Variants in NRG3 observed in about 807,000 individuals in gnomAD.
NRG3 encodes neuregulin 3.
In NRG3, 31 loss-of-function variants were observed where a neutral mutation model predicts 66.9. The observed-to-expected ratio is 0.46, with a 90% CI of 0.35 to 0.63. The LOEUF (loss-of-function observed/expected upper bound fraction) is 0.63, where lower values mean the gene tolerates loss of function less well. Among genes scored for constraint, NRG3 ranks in the 20% least tolerant of loss-of-function variants. The pLI, the probability that NRG3 is intolerant of heterozygous loss-of-function variation, is 0.00. For missense variants in NRG3, 910 were observed against 878.9 expected (o/e 1.04, Z -0.45); for synonymous variants, 393 against 359.4 (o/e 1.09, Z -1.06).
chr10:82,734,774 T>C (rs1050671787), intron 2 of NRG3, among the ~76,000 whole-genome samples: 4 of 151,924 alleles, frequency 2.6e-5, no homozygotes, highest in African/African-American at 7.3e-5. Flanking sequence ...CCCAAACACT[T>C]TGGGAGGCCA....
chr10:82,297,058 A>C (rs1359200187), intron 1 of NRG3, among the ~76,000 whole-genome samples: 1 of 152,112 alleles, frequency 6.6e-6, no homozygotes, highest in Non-Finnish European at 1.5e-5. Flanking sequence ...TTGATGCATA[A>C]ATTCACATAG....
At chr10:82,739,608 T>C (rs2058323032) in intron 3 of NRG3, among the ~76,000 whole-genome samples, 1 of 152,206 alleles carries the variant, frequency 6.6e-6, no homozygotes, top group South Asian at 2.1e-4. Context: ...TATTTTCATT[T>C]CCCCCTGAAT....
At chr10:82,813,168 A>G (rs1339319802) in intron 3 of NRG3, among the ~76,000 whole-genome samples, 1 of 151,840 alleles carries the variant, frequency 6.6e-6, no homozygotes, top group Non-Finnish European at 1.5e-5. Flanking sequence ...AGTAAAAAAA[A>G]CACAAAGTAC....
intron 3 of NRG3, among the ~76,000 whole-genome samples, chr10:82,836,701 T>G (rs2062794011): frequency 6.6e-6 from 1 of 151,660 alleles, no homozygotes; most frequent in Admixed American, 6.6e-5. Flanking sequence ...TTTTCTTTTT[T>G]TATTTTATTT....
chr10:82,188,519 C>T (rs183621504), intron 1 of NRG3, among the ~76,000 whole-genome samples: 277 of 152,154 alleles, frequency 1.8e-3, no homozygotes, highest in African/African-American at 6.5e-3. Flanking sequence ...AGATAACCCA[C>T]AGAACGGGAG....
intron 1 of NRG3, among the ~76,000 whole-genome samples, chr10:82,051,664 A>C (rs541936364): frequency 3.5e-4 from 54 of 152,344 alleles, no homozygotes; most frequent in Admixed American, 1.3e-3. Context: ...CTTGTGTATG[A>C]AGGATGAAAA....
At chr10:82,963,873 C>T (rs1310585991) in intron 6 of NRG3, among the ~76,000 whole-genome samples, 1 of 151,996 alleles carries the variant, frequency 6.6e-6, no homozygotes, top group Admixed American at 6.5e-5. Context: ...CTCTCTGGGC[C>T]TGATAAATTT....
intron 1 of NRG3, among the ~76,000 whole-genome samples, chr10:82,188,456 A>T (rs1029738188): frequency 3.3e-5 from 5 of 152,182 alleles, no homozygotes; most frequent in Non-Finnish European, 5.9e-5. Flanking sequence ...GACAAATGAG[A>T]TCACAAATTG....
In NRG3 at chr10:81,922,762, G is replaced by C. The variant is rs190003189; in HGVS notation, c.823+46599G>C. Among the ~76,000 whole-genome samples, 177 of 151,930 alleles carry C rather than the reference G, an allele frequency of 1.2e-3. 1 individual carries two copies. The highest frequency in any genetic ancestry group is 0.01 in the Middle Eastern group (3 of 294). On this transcript the variant is annotated intron_variant, in intron 1 of 8. Coordinates refer to ENST00000372141, the MANE Select transcript of NRG3 (RefSeq NM_001010848.4). ...AGAGAAAATATTTGAAAGAATTTAC[G>C]TGTGAGCTGGGTTTGGAATGATTGT...
chr10:82,330,648 A>T (rs1434447186), intron 1 of NRG3, among the ~76,000 whole-genome samples: 1 of 152,212 alleles, frequency 6.6e-6, no homozygotes, highest in South Asian at 2.1e-4. Context: ...AAAATTAGAA[A>T]TATTTTTAAA....
chr10:82,009,386 G>A (rs1179380515), intron 1 of NRG3, among the ~76,000 whole-genome samples: 2 of 152,052 alleles, frequency 1.3e-5, no homozygotes, highest in African/African-American at 4.8e-5. Flanking sequence ...TAAATTAGTT[G>A]CAGTGTTCTT....
Position 82,529,398 on chromosome 10 carries a change from G to A in NRG3, c.953+170530G>A, listed in dbSNP as rs185218218. Among the ~76,000 whole-genome samples, 244 of 152,312 alleles carry A rather than the reference G, an allele frequency of 1.6e-3. 1 individual carries two copies. The highest frequency in any genetic ancestry group is 5.3e-3 in the African/African-American group (222 of 41,570). On this transcript the variant is annotated intron_variant, in intron 2 of 8. Transcript: ENST00000372141. ...GGGCATTACTGGTTAGGAATTTGTA[G>A]AATATGTGAGGGTAATAAAAGTTCA...
intron 2 of NRG3, among the ~76,000 whole-genome samples, chr10:82,392,972 T>G (rs2086484580): frequency 6.6e-6 from 1 of 151,924 alleles, no homozygotes; most frequent in Admixed American, 6.6e-5. Context: ...AGAAAGTTGT[T>G]TGTTGAAGAA....
At chr10:82,153,940 A>T (rs1258679168) in intron 1 of NRG3, among the ~76,000 whole-genome samples, 1 of 151,490 alleles carries the variant, frequency 6.6e-6, no homozygotes, top group African/African-American at 2.4e-5. Context: ...CAGTTGTTTG[A>T]GTTCCTTATA....
At chr10:82,944,353 T>C (rs1848818988) in intron 4 of NRG3, among the ~76,000 whole-genome samples, 1 of 152,248 alleles carries the variant, frequency 6.6e-6, no homozygotes, top group African/African-American at 2.4e-5. Flanking sequence ...ATAATTTTTA[T>C]AATTCTTTTT....
intron 1 of NRG3, among the ~76,000 whole-genome samples, chr10:81,990,583 T>A (rs2060700852): frequency 6.6e-6 from 1 of 152,202 alleles, no homozygotes; most frequent in African/African-American, 2.4e-5. Flanking sequence ...TTAAGTAAGA[T>A]AAGTTTATTA....
chr10:82,174,828 C>A (rs1310297597), intron 1 of NRG3, among the ~76,000 whole-genome samples: 1 of 152,060 alleles, frequency 6.6e-6, no homozygotes, highest in Non-Finnish European at 1.5e-5. Flanking sequence ...AATGCTGTAT[C>A]CTCAATCCCA....
chr10:82,343,118 A>G (rs1033744449), intron 1 of NRG3, among the ~76,000 whole-genome samples: 1 of 152,064 alleles, frequency 6.6e-6, no homozygotes, highest in Non-Finnish European at 1.5e-5. Context: ...TCAATGCTGT[A>G]GTAACCAAAA....
At chr10:82,438,833 C>G (rs1355668991) in intron 2 of NRG3, among the ~76,000 whole-genome samples, 2 of 152,154 alleles carry the variant, frequency 1.3e-5, no homozygotes, top group African/African-American at 4.8e-5. Context: ...GCTCTTCCTT[C>G]TCTTCATGAG....
Sources: gnomAD v4.1 joint callset for allele counts (sites outside exome capture counted in the v4.1 genomes callset) on GRCh38, gnomAD v4.1.1 for gene constraint, MANE v1.5 for transcripts, NCBI Gene and HGNC (gene_info 2026-07-23, HGNC 2026-07-21) for gene names.